Variants in SPAG1 observed in about 807,000 individuals in gnomAD.
The protein encoded by SPAG1 is sperm associated antigen 1.
SPAG1 carries 69 observed loss-of-function variants against 100.5 expected under a neutral mutation model. The ratio of observed to expected loss-of-function variants is 0.69; its 90% confidence interval spans 0.57 to 0.84. The LOEUF (loss-of-function observed/expected upper bound fraction) is 0.84. Among genes scored for constraint, SPAG1 ranks in the 40% least tolerant of loss-of-function variants. The pLI is 0.00. For missense variants in SPAG1, 955 were observed against 1,133.1 expected, an observed-to-expected ratio of 0.84 and a Z score of 2.26; for synonymous variants, 336 against 411.6, an observed-to-expected ratio of 0.82 and a Z score of 2.22.
intron 10 of SPAG1, among the ~76,000 whole-genome samples, chr8:100,201,106 C>T (rs1817258360): frequency 6.8e-6 from 1 of 147,468 alleles, no homozygotes; most frequent in Admixed American, 6.8e-5. Flanking sequence ...ATTTCTTTTT[C>T]CTTCCTTCCT....
At chr8:100,213,762 G>C in intron 11 of SPAG1, 57 bp from the exon 12 acceptor site, 1 of 1,111,204 alleles carries the variant, frequency 9.0e-7, no homozygotes, top group Non-Finnish European at 1.4e-6. Flanking sequence ...TGTAATTCTG[G>C]TGAACTGTGA....
Position 100,177,890 on chromosome 8 carries a change from AG to A in SPAG1, c.376del (p.Asp126IlefsTer15). On this transcript the variant is annotated frameshift_variant, in exon 4 of 19. Coordinates refer to ENST00000388798, the MANE Select transcript of SPAG1 (RefSeq NM_003114.5). LOFTEE classifies it high-confidence loss of function. ...AAACTGAGACATTTCCAGCAATGAA[AG>A]ATAATTTGCCTCCAGTTCGTGGTTC... ...HETETFPAMK[D>X]NLPPVRGSNS... 6.2e-7 allele frequency: 1 copy of A among 1,609,214 alleles called. No homozygotes were observed. Among genetic ancestry groups the A allele is most frequent in the Admixed American group, 1.7e-5 (1 of 59,986 alleles).
Position 100,225,209 on chromosome 8 carries a change from T to C in SPAG1, c.1725T>C (p.Asn575=), listed in dbSNP as rs749744543. Residue 575 remains asparagine, a synonymous_variant, in exon 14 of 19, where the codon AAT becomes AAC. Transcript: ENST00000388798. The part of the protein sequence containing the change: ...SRILMELDGP[N]WREKLSPIPA... The stretch of plus-strand genomic sequence containing the variant: ...TTTTAATGGAGCTGGATGGACCAAA[T>C]TGGCGGGAGAAGCTGTCACCTATTC... 1.9e-6 allele frequency: 3 copies of C among 1,613,992 alleles called. No homozygotes were observed. The highest frequency in any genetic ancestry group is 2.5e-6 in the Non-Finnish European group (3 of 1,179,942).
intron 13 of SPAG1, 150 bp downstream of exon 13, chr8:100,220,581 G>A: frequency 1.5e-6 from 1 of 660,446 alleles, no homozygotes. Context: ...ACATCAAATG[G>A]TTCTCTCCCT....
At position 100,213,332 on chromosome 8, in the gene SPAG1, G is replaced by T; in HGVS notation, c.1339G>T (p.Gly447Cys). 7.5e-7 allele frequency: 1 copy of T among 1,341,352 alleles called. No individual in the cohort carries two copies. Among genetic ancestry groups the T allele is most frequent in the Non-Finnish European group, 9.6e-7 (1 of 1,043,494 alleles). The allele number at this position is 1,341,352 out of a possible 1,614,324, so 83.1% of individuals were successfully genotyped here. Residue 447 changes from glycine (G) to cysteine (C), a missense_variant, in exon 11 of 19, where the codon GGC (glycine) becomes TGC (cysteine). By Grantham distance (159) the Gly-to-Cys change is radical. Coordinates refer to ENST00000388798, the MANE Select transcript of SPAG1 (RefSeq NM_003114.5). The part of the protein sequence containing the change: ...GGGQGAENPA[G>C]LKSQGNELFR... ...CGGGCAGGGCGCGGAGAACCCTGCC[G>T]GCCTGAAGAGCCAGGGCAACGAGCT... is the stretch of plus-strand genomic sequence containing the variant.
At chr8:100,240,867 T>G (rs778425226) in intron 18 of SPAG1, 24 bp from the exon 19 acceptor site, 32 of 1,482,854 alleles carry the variant, frequency 2.2e-5, no homozygotes, top group Admixed American at 4.5e-5. Context: ...GTTTTTTGTT[T>G]TTTTTTTTTT....
At chr8:100,197,617 G>A (rs1323008889) in intron 10 of SPAG1, among the ~76,000 whole-genome samples, 2 of 152,180 alleles carry the variant, frequency 1.3e-5, no homozygotes, top group African/African-American at 2.4e-5. Context: ...ATCTTTACAT[G>A]TGGTTCTCCA....
intron 12 of SPAG1, among the ~76,000 whole-genome samples, chr8:100,217,589 G>A (rs931009785): frequency 1.3e-5 from 2 of 152,042 alleles, no homozygotes; most frequent in Admixed American, 6.5e-5. Flanking sequence ...CAGTTTGAAA[G>A]CCATCATTTT....
At chr8:100,171,229 T>TG (rs1167116463) in intron 3 of SPAG1, among the ~76,000 whole-genome samples, 3 of 152,200 alleles carry the variant, frequency 2.0e-5, no homozygotes, top group Non-Finnish European at 2.9e-5. Context: ...AATATATTCC[T>TG]GGATTTGATT....
At chr8:100,229,584 G>A (rs1345567267) in intron 14 of SPAG1, among the ~76,000 whole-genome samples, 1 of 152,204 alleles carries the variant, frequency 6.6e-6, no homozygotes, top group Non-Finnish European at 1.5e-5. Flanking sequence ...CGCACTGAAT[G>A]GCTTAGACCT....
At chr8:100,162,248 AG>A in intron 1 of SPAG1, 30 bp from the exon 2 acceptor site, 4 of 1,486,188 alleles carry the variant, frequency 2.7e-6, no homozygotes, top group Admixed American at 2.0e-5. Context: ...TTTATACATT[AG>A]ATTAATAACT....
intron 13 of SPAG1, among the ~76,000 whole-genome samples, chr8:100,223,007 T>C (rs915157916): frequency 7.9e-5 from 12 of 152,220 alleles, no homozygotes; most frequent in African/African-American, 2.9e-4. Context: ...TTTATCTAAA[T>C]GGAATCATAT....
At chr8:100,235,656 A>G (rs1439720879) in intron 16 of SPAG1, among the ~76,000 whole-genome samples, 1 of 152,144 alleles carries the variant, frequency 6.6e-6, no homozygotes, top group Non-Finnish European at 1.5e-5. Flanking sequence ...ATGTTGCATA[A>G]TATAGCAAAT....
Position 100,165,822 on chromosome 8 carries a change from A to T in SPAG1, c.149A>T (p.Glu50Val), listed in dbSNP as rs1158540524. The change falls in exon 3 of 19, where the codon GAG (glutamate) becomes GTG (valine). Residue 50 changes from glutamate to valine, a missense_variant. Coordinates refer to ENST00000388798, the MANE Select transcript of SPAG1 (RefSeq NM_003114.5). ...ATTTATTTCTTTTTAAGATCTGGTGAGGAAGGATATTATCCTGAACTTACA... is the reference window on the plus strand; with the variant it reads ...ATTTATTTCTTTTTAAGATCTGGTGTGGAAGGATATTATCCTGAACTTACA... Reference protein sequence around the residue: ...EKILCVLRSGEEGYYPELTEF... With the variant: ...EKILCVLRSGVEGYYPELTEF... 3.1e-6 allele frequency: 5 copies of T among 1,611,454 alleles called. No homozygotes were observed. In the East Asian group the frequency reaches 1.1e-4, roughly 36 times the overall value.
In SPAG1 at chr8:100,225,438, A is replaced by G. The variant is rs1586533712; in HGVS notation, c.1855+99A>G. On this transcript the variant is annotated intron_variant, in intron 14 of 18. Transcript: ENST00000388798. ...AGATAAGAGCATTAATTCTAGAATC[A>G]GACCTAGGTTTAAGTGAAGTCCCTG... is the stretch of plus-strand genomic sequence containing the variant. 3 of 1,109,328 alleles carry G rather than the reference A, an allele frequency of 2.7e-6. No individual in the cohort carries two copies. In the East Asian group the frequency reaches 7.7e-5, roughly 29 times the overall value. The allele number at this position is 1,109,328 out of a possible 1,614,324, so 68.7% of individuals were successfully genotyped here.
chr8:100,203,892 G>A (rs1014821529), intron 10 of SPAG1, among the ~76,000 whole-genome samples: 13 of 152,260 alleles, frequency 8.5e-5, no homozygotes, highest in Non-Finnish European at 1.5e-4. Flanking sequence ...CAAAAGGTGC[G>A]TGCACAGCCT....
chr8:100,187,204 T>A lies in SPAG1; in HGVS notation c.786T>A (p.Phe262Leu), dbSNP rs771753650. ...EIKLQNWNSA[F>L]QDCEKVLELE... is the part of the protein sequence containing the mutation. ...AATTACAGAACTGGAATAGTGCTTTTCAGGATTGTGAAAAGGTCTTGGAGT... is the reference window on the plus strand; with the variant it reads ...AATTACAGAACTGGAATAGTGCTTTACAGGATTGTGAAAAGGTCTTGGAGT... The change falls in exon 8 of 19, where the codon TTT becomes TTA. Residue 262 changes from phenylalanine to leucine, a missense_variant. Transcript: ENST00000388798. 15 of 1,613,076 alleles carry A rather than the reference T, an allele frequency of 9.3e-6. No individual in the cohort carries two copies. Among genetic ancestry groups the A allele is most frequent in the Non-Finnish European group, 1.1e-5 (13 of 1,179,330 alleles).
intron 13 of SPAG1, among the ~76,000 whole-genome samples, chr8:100,222,233 G>C (rs1429828466): frequency 6.6e-6 from 1 of 152,126 alleles, no homozygotes; most frequent in Non-Finnish European, 1.5e-5. Flanking sequence ...CTACCCCATA[G>C]GTGCACCTTA....
intron 13 of SPAG1, 79 bp downstream of exon 13, chr8:100,220,510 A>G: frequency 8.5e-7 from 1 of 1,177,588 alleles, no homozygotes. Context: ...GAACATGTCA[A>G]AATATAGATG....
Sources: allele counts gnomAD v4.1 joint callset (sites outside exome capture counted in the v4.1 genomes callset), GRCh38; gene constraint gnomAD v4.1.1; transcripts MANE v1.5; gene names NCBI Gene and HGNC (gene_info 2026-07-23, HGNC 2026-07-21).